The following AGL variants were observed in gnomAD, a reference collection of about 807,000 sequenced individuals.
AGL encodes amylo-alpha-1,6-glucosidase and 4-alpha-glucanotransferase, also known as glycogen debranching enzyme.
AGL carries 128 observed loss-of-function variants against 199.3 expected under a neutral mutation model. The ratio of observed to expected loss-of-function variants is 0.64; its 90% CI spans 0.56 to 0.74. AGL has a LOEUF of 0.74. AGL is among the 30% of genes least tolerant of loss of function. The pLI is 0.00. For missense variants in AGL, 1,809 were observed against 1,820.8 expected (o/e 0.99, Z 0.12); for synonymous variants, 584 against 594.7 (o/e 0.98, Z 0.26).
At chr1:99,881,807 T>A in intron 17 of AGL, 116 bp downstream of exon 17, 1 of 1,031,580 alleles carries the variant, frequency 9.7e-7, no homozygotes, top group Non-Finnish European at 1.3e-6. Context: ...ACAGTGCTAC[T>A]GTGGACGTAC....
intron 28 of AGL, among the ~76,000 whole-genome samples, chr1:99,911,427 G>T (rs1297307542): frequency 2.0e-5 from 3 of 152,032 alleles, no homozygotes; most frequent in Non-Finnish European, 2.9e-5. Context: ...ATTAAGCTGA[G>T]AAGTTATTTT....
At chr1:99,875,115 C>A in intron 8 of AGL, 39 bp from the exon 9 acceptor site, 1 of 1,536,410 alleles carries the variant, frequency 6.5e-7, no homozygotes, top group Non-Finnish European at 9.0e-7. Context: ...ATCTGTAAAG[C>A]CATTAAATAT....
At chr1:99,859,522 G>A (rs1285046986) in intron 2 of AGL, among the ~76,000 whole-genome samples, 2 of 149,702 alleles carry the variant, frequency 1.3e-5, no homozygotes, top group East Asian at 2.0e-4. Context: ...TGTGTACAAT[G>A]TAACAAAATA....
chr1:99,886,233 T>C (rs146030223), intron 20 of AGL, among the ~76,000 whole-genome samples: 2,026 of 152,274 alleles, frequency 0.013, 51 homozygotes, highest in African/African-American at 0.046. Flanking sequence ...CTCAGCACTT[T>C]GGTAGGCCAA....
intron 13 of AGL, 145 bp downstream of exon 13, chr1:99,880,191 A>G: frequency 7.8e-7 from 1 of 1,287,450 alleles, no homozygotes; most frequent in Non-Finnish European, 1.1e-6. Flanking sequence ...ATATTCTAAT[A>G]TAACTCAGTC....
intron 12 of AGL, 137 bp downstream of exon 12, chr1:99,877,965 C>A: frequency 1.2e-6 from 1 of 810,724 alleles, no homozygotes; most frequent in Non-Finnish European, 2.0e-6. Flanking sequence ...GTATTTATCA[C>A]TATTGCATAA....
Position 99,862,323 on chromosome 1 carries a change from T to C in AGL, c.360T>C (p.His120=), listed in dbSNP as rs763863707. 6.8e-6 allele frequency: 11 copies of C among 1,614,130 alleles called. No homozygotes were observed. The highest frequency in any genetic ancestry group is 2.2e-5 in the East Asian group (1 of 44,862). The change falls in exon 4 of 34, where the codon CAT becomes CAC. Residue 120 remains histidine, a synonymous_variant. Transcript: ENST00000361915. ...DPILRVGADN[H]VLPLDCVTLQ... ...TTTTACGTGTTGGTGCTGATAATCA[T>C]GTGCTACCCTTGGACTGTGTTACTC...
chr1:99,857,480 T>C (rs2101072039), intron 2 of AGL, among the ~76,000 whole-genome samples: 1 of 151,894 alleles, frequency 6.6e-6, no homozygotes, highest in East Asian at 2.0e-4. Flanking sequence ...GTGGAGGTTG[T>C]AGTGAGCCGA....
chr1:99,851,258 T>G (rs1648930060), intron 2 of AGL, 134 bp downstream of exon 2: 1 of 794,812 alleles, frequency 1.3e-6, no homozygotes, highest in African/African-American at 1.7e-5. Context: ...TGTGCAAAGA[T>G]GGTGCTGTGT....
At chr1:99,869,309 T>C (rs1466332622) in intron 5 of AGL, among the ~76,000 whole-genome samples, 2 of 152,228 alleles carry the variant, frequency 1.3e-5, no homozygotes, top group African/African-American at 4.8e-5. Context: ...TTACATAGCC[T>C]TTCTTCATCT....
chr1:99,853,916 G>A (rs540954433), intron 2 of AGL, among the ~76,000 whole-genome samples: 2 of 150,396 alleles, frequency 1.3e-5, no homozygotes, highest in East Asian at 2.0e-4. Context: ...AGGGCCGGGC[G>A]CAGTGGCTCA....
In AGL at chr1:99,861,636, A is replaced by G; in HGVS notation, c.216A>G (p.Glu72=). ...CTCTGGATTGGGAAAATCCAACAGA[A>G]AGAGAAGATGATTCTGATAAATACT... is the stretch of plus-strand genomic sequence containing the variant. ...FRSLDWENPT[E]REDDSDKYCK... is the part of the protein sequence containing the mutation. Residue 72 remains glutamate (E), a synonymous_variant, in exon 3 of 34, where the codon GAA becomes GAG. Transcript: ENST00000361915. The G allele has an allele frequency of 6.2e-7, 1 of 1,613,644 alleles. No homozygotes were observed. Among genetic ancestry groups the G allele is most frequent in the Non-Finnish European group, 8.5e-7 (1 of 1,179,588 alleles).
chr1:99,877,943 G>T, intron 12 of AGL, 115 bp downstream of exon 12: 1 of 994,706 alleles, frequency 1.0e-6, no homozygotes, highest in Non-Finnish European at 1.6e-6. Context: ...CACAAGCATT[G>T]ATTTGGTGGT....
chr1:99,916,849 G>C (rs760008765), intron 33 of AGL, 118 bp downstream of exon 33: 26 of 1,092,842 alleles, frequency 2.4e-5, no homozygotes, highest in Non-Finnish European at 3.3e-5. Flanking sequence ...CCAATGAAAA[G>C]TGAAGCCTTT....
chr1:99,895,256 G>T (rs1441309729), intron 24 of AGL, among the ~76,000 whole-genome samples: 1 of 152,028 alleles, frequency 6.6e-6, no homozygotes, highest in East Asian at 1.9e-4. Flanking sequence ...CACCATGTTG[G>T]CCAGGATGGT....
intron 2 of AGL, 27 bp downstream of exon 2, chr1:99,851,151 T>C (rs1412962612): frequency 3.2e-6 from 5 of 1,576,584 alleles, no homozygotes; most frequent in Non-Finnish European, 4.4e-6. Context: ...TTTGATTTGC[T>C]CATTTGCGTC....
chr1:99,898,204 A>G (rs1044111865), intron 25 of AGL, among the ~76,000 whole-genome samples: 36 of 151,684 alleles, frequency 2.4e-4, no homozygotes, highest in South Asian at 6.3e-4. Flanking sequence ...CCGCCACCAC[A>G]CCCGGCTAAT....
At chr1:99,861,970 T>C (rs1414925915) in intron 3 of AGL, among the ~76,000 whole-genome samples, 1 of 152,202 alleles carries the variant, frequency 6.6e-6, no homozygotes, top group Non-Finnish European at 1.5e-5. Flanking sequence ...GGTTGCTGTT[T>C]ATTTGCGTGC....
chr1:99,874,312 T>C, intron 7 of AGL, among the ~76,000 whole-genome samples: 1 of 149,780 alleles, frequency 6.7e-6, no homozygotes, highest in Non-Finnish European at 1.5e-5. Flanking sequence ...GTTGTGCACA[T>C]GTACCCTAGA....
Sources: allele counts gnomAD v4.1 joint callset (sites outside exome capture counted in the v4.1 genomes callset), GRCh38; gene constraint gnomAD v4.1.1; transcripts MANE v1.5; gene names NCBI Gene and HGNC (gene_info 2026-07-23, HGNC 2026-07-21).